ZAR1: variants seen among roughly 807,000 people sequenced by gnomAD.
ZAR1 encodes zygote arrest protein 1.
Under a neutral mutation model 38.3 loss-of-function variants are expected in ZAR1, and 37 were observed. That is an observed-to-expected ratio of 0.97 (90% CI 0.74 to 1.27). The LOEUF (loss-of-function observed/expected upper bound fraction) is 1.27, where lower values mean the gene tolerates loss of function less well. ZAR1 is among the 50% of genes most tolerant of loss of function. The pLI, the probability that ZAR1 is intolerant of heterozygous loss-of-function variation, is 0.00. For missense variants in ZAR1, 651 were observed against 632.4 expected, an observed-to-expected ratio of 1.03 and a Z score of -0.32; for synonymous variants, 336 against 292.0, an observed-to-expected ratio of 1.15 and a Z score of -1.53.
intron 1 of ZAR1, among the ~76,000 whole-genome samples, chr4:48,491,630 T>G (rs1001518874): frequency 5.3e-5 from 8 of 151,990 alleles, no homozygotes; most frequent in African/African-American, 1.9e-4. Flanking sequence ...GGCTGGAGAG[T>G]CGATTCCCAA....
Position 48,490,734 on chromosome 4 carries a change from G to T in ZAR1, c.443G>T (p.Gly148Val). The T allele has an allele frequency of 7.3e-7, 1 of 1,378,732 alleles. No individual in the cohort carries two copies. The highest frequency in any genetic ancestry group is 1.7e-5 in the South Asian group (1 of 60,106). The allele number at this position is 1,378,732 out of a possible 1,614,324, so 85.4% of individuals were successfully genotyped here. ...CCCGGGGCCGAGGGCACCACGGGTG[G>T]CGGCTCTTTCTCCCAGCAGCCATCC... The part of the protein sequence containing the change: ...AGPGAEGTTG[G>V]GSFSQQPSRR... Residue 148 changes from glycine (G) to valine (V), a missense_variant, in exon 1 of 4, where the codon GGC becomes GTC. Transcript: ENST00000327939.
Position 48,491,057 on chromosome 4 carries a change from C to G in ZAR1, c.766C>G (p.Pro256Ala). ...QAAVRASWEQ[P>A]ADGPELPPRE... ...CGCAGTCCGAGCGAGCTGGGAGCAG[C>G]CGGCCGACGGTCCCGAGCTGCCGCC... Residue 256 changes from proline to alanine, a missense_variant, in exon 1 of 4, where the codon CCG becomes GCG. Pro to Ala is a conservative substitution (Grantham distance 27). This residue lies in a region of ZAR1 where 522 missense variants were observed against 459.9 expected (regional missense o/e 1.14). Coordinates refer to ENST00000327939, the MANE Select transcript of ZAR1 (RefSeq NM_175619.3). 2.2e-6 allele frequency: 3 copies of G among 1,334,586 alleles called. No individual in the cohort carries two copies. The highest frequency in any genetic ancestry group is 3.1e-5 in the East Asian group (1 of 32,060). 82.7% of individuals were successfully genotyped at this position (1,334,586 alleles called of 1,614,324 possible).
chr4:48,496,537 G>C (rs76203321), downstream of ZAR1, among the ~76,000 whole-genome samples: 20 of 152,218 alleles, frequency 1.3e-4, no homozygotes, highest in African/African-American at 4.6e-4. Context: ...TTCAGTTGAG[G>C]AAAGTGAGGA....
chr4:48,492,764 A>T lies in ZAR1; in HGVS notation c.964-2A>T. ...GTTAAATTGACATATCCTGTTGTTC[A>T]GTTCTTAGAGCAGAAATATGGCTAT... On this transcript the variant is annotated splice_acceptor_variant, in intron 1 of 3. Transcript: ENST00000327939. LOFTEE classifies it high-confidence loss of function. The T allele has an allele frequency of 6.2e-7, 1 of 1,613,752 alleles. No individual in the cohort carries two copies. Among genetic ancestry groups the T allele is most frequent in the South Asian group, 1.1e-5 (1 of 91,050 alleles).
downstream of ZAR1, among the ~76,000 whole-genome samples, chr4:48,496,941 C>G (rs1225278706): frequency 6.6e-6 from 1 of 152,128 alleles, no homozygotes; most frequent in Admixed American, 6.6e-5. Context: ...GATGAGGAAC[C>G]TTACTCTGCC....
Position 48,490,750 on chromosome 4 carries a change from G to A in ZAR1, c.459G>A (p.Gln153=), listed in dbSNP as rs1482580794. The A allele has an allele frequency of 1.4e-6, 2 of 1,418,614 alleles. No individual in the cohort carries two copies. Among genetic ancestry groups the A allele is most frequent in the Non-Finnish European group, 9.2e-7 (1 of 1,090,108 alleles). The allele number at this position is 1,418,614 out of a possible 1,614,324, so 87.9% of individuals were successfully genotyped here. A position where few individuals can be genotyped will look rare whatever the true frequency, so the allele number is the denominator to read the frequency against. The change falls in exon 1 of 4, where the codon CAG becomes CAA. Residue 153 remains glutamine, a synonymous_variant. Coordinates refer to ENST00000327939, the MANE Select transcript of ZAR1 (RefSeq NM_175619.3). ...EGTTGGGSFS[Q]QPSRRGLEQG... is the part of the protein sequence containing the mutation. ...CCACGGGTGGCGGCTCTTTCTCCCA[G>A]CAGCCATCCCGTCGAGGCCTGGAGC...
Position 48,492,999 on chromosome 4 carries a change from A to G in ZAR1, c.1118A>G (p.Asp373Gly). The G allele has an allele frequency of 2.5e-6, 4 of 1,614,166 alleles. No homozygotes were observed. Among genetic ancestry groups the G allele is most frequent in the Non-Finnish European group, 3.4e-6 (4 of 1,180,016 alleles). The change falls in exon 3 of 4, where the codon GAT (aspartate) becomes GGT (glycine). Residue 373 changes from aspartate to glycine, a missense_variant. This residue lies in a region of ZAR1 where 129 missense variants were observed against 172.5 expected (regional missense o/e 0.75). Transcript: ENST00000327939. Reference sequence around the variant, plus strand: ...TCTTATAACCCTTACCGAGTGGAGGATATCACCTGTCAAGTAAATCAGATG... The same window carrying G: ...TCTTATAACCCTTACCGAGTGGAGGGTATCACCTGTCAAGTAAATCAGATG... ...QKSYNPYRVE[D>G]ITCQSCKQTR...
downstream of ZAR1, among the ~76,000 whole-genome samples, chr4:48,497,089 A>C (rs1718656301): frequency 1.3e-5 from 2 of 152,252 alleles, no homozygotes; most frequent in South Asian, 4.1e-4. Context: ...TTTGTTTTAG[A>C]AGCAGCATGA....
At chr4:48,491,845 G>A (rs1269691084) in intron 1 of ZAR1, among the ~76,000 whole-genome samples, 1 of 152,238 alleles carries the variant, frequency 6.6e-6, no homozygotes, top group Admixed American at 6.5e-5. Context: ...CATTTGGACT[G>A]CTCAGTGTTG....
downstream of ZAR1, among the ~76,000 whole-genome samples, chr4:48,494,831 C>G (rs1718542699): frequency 6.6e-6 from 1 of 152,078 alleles, no homozygotes; most frequent in Admixed American, 6.6e-5. Context: ...TAGGTAAAGG[C>G]TTTAGTGTCC....
At position 48,490,934 on chromosome 4, in the gene ZAR1, C is replaced by A. The variant is rs1226607784; in HGVS notation, c.643C>A (p.Pro215Thr). Residue 215 changes from proline (P) to threonine (T), a missense_variant, in exon 1 of 4, where the codon CCG (proline) becomes ACG (threonine). This residue lies in a region of ZAR1 where 522 missense variants were observed against 459.9 expected (regional missense o/e 1.14). Transcript: ENST00000327939. ...CGGGGCGTCGGACGGAGAGAGGGGGCCGCCGCCCGCGCGGCTTCAAGGCCC... is the reference window on the plus strand; with the variant it reads ...CGGGGCGTCGGACGGAGAGAGGGGGACGCCGCCCGCGCGGCTTCAAGGCCC... Reference protein sequence around the residue: ...RSGASDGERGPPPARLQGPEE... With the variant: ...RSGASDGERGTPPARLQGPEE... The A allele has an allele frequency of 7.4e-7, 1 of 1,342,842 alleles. No homozygotes were observed. Among genetic ancestry groups the A allele is most frequent in the Non-Finnish European group, 9.5e-7 (1 of 1,051,828 alleles). 83.2% of individuals were successfully genotyped at this position (1,342,842 alleles called of 1,614,324 possible).
downstream of ZAR1, among the ~76,000 whole-genome samples, chr4:48,496,030 A>G (rs1718590083): frequency 1.3e-5 from 2 of 152,148 alleles, no homozygotes; most frequent in African/African-American, 4.8e-5. Flanking sequence ...TCCTGGGCTC[A>G]AGTGATCCAT....
intron 3 of ZAR1, among the ~76,000 whole-genome samples, chr4:48,493,355 C>T (rs1444509329): frequency 1.3e-5 from 2 of 152,158 alleles, no homozygotes; most frequent in Non-Finnish European, 2.9e-5. Flanking sequence ...ACTGTTTTAC[C>T]GAAACGCTTC....
Position 48,490,625 on chromosome 4 carries a change from C to T in ZAR1, c.334C>T (p.Pro112Ser). The T allele has an allele frequency of 2.2e-6, 3 of 1,360,566 alleles. No homozygotes were observed. The South Asian group carries it at 5.4e-5, about 25-fold the overall frequency. The allele number at this position is 1,360,566 out of a possible 1,614,324, so 84.3% of individuals were successfully genotyped here. ...GSCDVAVQVS[P>S]RIDAAVQCSL... Reference sequence around the variant, plus strand: ...CTGCGACGTGGCGGTGCAGGTGAGCCCGCGCATCGACGCCGCGGTACAGTG... The same window carrying T: ...CTGCGACGTGGCGGTGCAGGTGAGCTCGCGCATCGACGCCGCGGTACAGTG... Residue 112 changes from proline to serine, a missense_variant, in exon 1 of 4, where the codon CCG becomes TCG. Transcript: ENST00000327939.
downstream of ZAR1, chr4:48,494,451 A>ACGGCG: frequency 1.6e-6 from 1 of 623,330 alleles, no homozygotes. Flanking sequence ...GTCTTGTGCT[A>ACGGCG]ACAGTCTGGG....
Position 48,490,325 on chromosome 4 carries a change from T to C in ZAR1, c.34T>C (p.Tyr12His). The C allele has an allele frequency of 1.3e-6, 2 of 1,513,808 alleles. No individual in the cohort carries two copies. The highest frequency in any genetic ancestry group is 1.8e-6 in the Non-Finnish European group (2 of 1,137,068). 93.8% of individuals were successfully genotyped at this position (1,513,808 alleles called of 1,614,324 possible). Residue 12 changes from tyrosine to histidine, a missense_variant, in exon 1 of 4, where the codon TAC becomes CAC. By Grantham distance (83) the Tyr-to-His change is moderately conservative (BLOSUM62 2). Around this residue, in one of 2 missense-constraint regions of ZAR1, gnomAD observed 522 missense variants for 459.9 expected, o/e 1.14. Transcript: ENST00000327939. ...AALGDEVLDGYVFPACPPCSY... is the reference protein window; with the variant it reads ...AALGDEVLDGHVFPACPPCSY... Reference sequence around the variant, plus strand: ...CCTGGGGGACGAGGTGCTGGACGGTTACGTGTTCCCGGCGTGCCCCCCCTG... The same window carrying C: ...CCTGGGGGACGAGGTGCTGGACGGTCACGTGTTCCCGGCGTGCCCCCCCTG...
chr4:48,490,767 G>A lies in ZAR1; in HGVS notation c.476G>A (p.Gly159Asp), dbSNP rs759634347. Residue 159 changes from glycine (G) to aspartate (D), a missense_variant, in exon 1 of 4, where the codon GGC (glycine) becomes GAC (aspartate). Physicochemically the swap from Gly to Asp is moderately conservative, Grantham distance 94. This residue lies in a region of ZAR1 where 522 missense variants were observed against 459.9 expected (regional missense o/e 1.14). Transcript: ENST00000327939. ...TTCTCCCAGCAGCCATCCCGTCGAG[G>A]CCTGGAGCAGGGCAGCCCCCAGAAC... The part of the protein sequence containing the change: ...GSFSQQPSRR[G>D]LEQGSPQNGA... The A allele has an allele frequency of 2.1e-5, 31 of 1,472,072 alleles. No homozygotes were observed. Among genetic ancestry groups the A allele is most frequent in the Non-Finnish European group, 3.6e-6 (4 of 1,116,860 alleles). 91.2% of individuals were successfully genotyped at this position (1,472,072 alleles called of 1,614,324 possible). A position where few individuals can be genotyped will look rare whatever the true frequency, so the allele number is the denominator to read the frequency against.
Position 48,490,990 on chromosome 4 carries a change from G to T in ZAR1, c.699G>T (p.Ala233=), listed in dbSNP as rs1262970999. ...AGGGGGAGGTGTGGACGAAGAAGGC[G>T]CCCCGGCGGCCGCAGTCCGACGACG... ...PEEGEVWTKK[A]PRRPQSDDDG... The change falls in exon 1 of 4, where the codon GCG becomes GCT. Residue 233 remains alanine (A), a synonymous_variant. Transcript: ENST00000327939. 2.2e-6 allele frequency: 3 copies of T among 1,356,202 alleles called. No homozygotes were observed. Among genetic ancestry groups the T allele is most frequent in the African/African-American group, 3.1e-5 (2 of 65,274 alleles). 84.0% of individuals were successfully genotyped at this position (1,356,202 alleles called of 1,614,324 possible).
intron 1 of ZAR1, 145 bp from the exon 2 acceptor site, chr4:48,492,621 T>G: frequency 1.4e-6 from 1 of 722,136 alleles, no homozygotes; most frequent in Non-Finnish European, 2.4e-6. Flanking sequence ...AATTACTGTA[T>G]TGAAGAGGCG....
Sources: gnomAD v4.1 joint callset for allele counts (sites outside exome capture counted in the v4.1 genomes callset) on GRCh38, gnomAD v4.1.1 for gene constraint, gnomAD v4.1.1 regional missense constraint, MANE v1.5 for transcripts, NCBI Gene and HGNC (gene_info 2026-07-23, HGNC 2026-07-21) for gene names.